Variants in FTSJ3 observed in about 807,000 individuals in gnomAD.
FTSJ3 encodes the protein FtsJ RNA 2'-O-methyltransferase 3.
A neutral mutation model predicts 111.5 loss-of-function variants in FTSJ3; 46 were observed. The ratio of observed to expected loss-of-function variants is 0.41; its 90% CI spans 0.33 to 0.53. FTSJ3 has a LOEUF of 0.53. Ranked by LOEUF, FTSJ3 falls within the 20% of genes least tolerant of loss-of-function variation. FTSJ3 has a pLI of 0.19. For missense variants in FTSJ3, 1,075 were observed against 1,063.8 expected, an observed-to-expected ratio of 1.01 and a Z score of -0.15; for synonymous variants, 408 against 383.0, an observed-to-expected ratio of 1.07 and a Z score of -0.76.
chr17:63,821,566 C>T lies in FTSJ3; in HGVS notation c.1674G>A (p.Arg558=), dbSNP rs1398520522. Residue 558 remains arginine, a synonymous_variant, in exon 16 of 21, where the codon CGG becomes CGA. Coordinates refer to ENST00000427159, the MANE Select transcript of FTSJ3 (RefSeq NM_017647.4). Reference sequence around the variant, plus strand: ...TCTGCTGCTGCTGCCGTCCCTTCCGCCGGTTCTCAAATAACAGCTGGGCCT... The same window carrying T: ...TCTGCTGCTGCTGCCGTCCCTTCCGTCGGTTCTCAAATAACAGCTGGGCCT... ...ISQAQLLFEN[R]RKGRQQQQKQ... 4 of 1,614,112 alleles carry T rather than the reference C, an allele frequency of 2.5e-6. No homozygotes were observed. In the Admixed American group the frequency reaches 5.0e-5, roughly 20 times the overall value.
chr17:63,820,049 C>A, intron 20 of FTSJ3, 30 bp downstream of exon 20: 1 of 1,613,992 alleles, frequency 6.2e-7, no homozygotes, highest in Non-Finnish European at 8.5e-7. Context: ...ACTTTTAGCC[C>A]TGTGTACCTT....
At position 63,826,578 on chromosome 17, in the gene FTSJ3, C is replaced by G. The variant is rs1253413368; in HGVS notation, c.162G>C (p.Ala54=). The G allele has an allele frequency of 4.3e-6, 7 of 1,613,448 alleles. No homozygotes were observed. The highest frequency in any genetic ancestry group is 5.1e-6 in the Non-Finnish European group (6 of 1,179,432). ...KARALLDLCA[A]PGGWLQVAAK... is the part of the protein sequence containing the mutation. ...CGAGTGTTACGAACCATCCCCCTGG[C>G]GCAGCACACAGGTCCAGCAAGGCTC... is the stretch of plus-strand genomic sequence containing the variant. Residue 54 remains alanine, a synonymous_variant, in exon 3 of 21, where the codon GCG becomes GCC. Transcript: ENST00000427159.
rs749799679 is a variant in FTSJ3 at position 63,821,020 on chromosome 17, G to C, written c.1972+10C>G. 6.2e-6 allele frequency: 10 copies of C among 1,613,630 alleles called. No homozygotes were observed. The South Asian group carries it at 1.1e-4, about 18-fold the overall frequency. On this transcript the variant is annotated intron_variant, in intron 17 of 20. Coordinates refer to ENST00000427159, the MANE Select transcript of FTSJ3 (RefSeq NM_017647.4). ...GTCTTTTCTCATTCCACTGCATACAGAGCTCTCACCTGGGTCCTCAATAGG... is the reference window on the plus strand; with the variant it reads ...GTCTTTTCTCATTCCACTGCATACACAGCTCTCACCTGGGTCCTCAATAGG...
chr17:63,822,450 C>G lies in FTSJ3; in HGVS notation c.1291-282G>C, dbSNP rs146812019. 5.3e-3 allele frequency among the ~76,000 whole-genome samples: 808 copies of G among 152,270 alleles called. 4 individuals are homozygous for G. The highest frequency in any genetic ancestry group is 0.018 in the African/African-American group (737 of 41,540). On this transcript the variant is annotated intron_variant, in intron 13 of 20. Transcript: ENST00000427159. ...ACCTACAGCCCACATAGCACCAAAT[C>G]TTAACATATTCTACAACACTGGTTT...
At position 63,821,064 on chromosome 17, in the gene FTSJ3, A is replaced by G. The variant is rs1214999970; in HGVS notation, c.1938T>C (p.Asp646=). 9 of 1,614,072 alleles carry G rather than the reference A, an allele frequency of 5.6e-6. No individual in the cohort carries two copies. The highest frequency in any genetic ancestry group is 2.7e-5 in the African/African-American group (2 of 74,916). The change falls in exon 17 of 21, where the codon GAT becomes GAC. Residue 646 remains aspartate, a synonymous_variant. Coordinates refer to ENST00000427159, the MANE Select transcript of FTSJ3 (RefSeq NM_017647.4). The part of the protein sequence containing the change: ...KKRSRGPKSD[D]DGFEIVPIED... Reference sequence around the variant, plus strand: ...CAATAGGCACTATCTCAAACCCGTCATCATCTGACTTAGGCCCACGGCTTC... The same window carrying G: ...CAATAGGCACTATCTCAAACCCGTCGTCATCTGACTTAGGCCCACGGCTTC...
chr17:63,826,177 A>G (rs1471201906), intron 4 of FTSJ3, 42 bp from the exon 5 acceptor site: 1 of 1,611,008 alleles, frequency 6.2e-7, no homozygotes, highest in Non-Finnish European at 8.5e-7. Flanking sequence ...GGTTGCTTCA[A>G]GCAGGGAGGA....
In FTSJ3 at chr17:63,827,592, CG is replaced by C. The variant is rs1223177119; in HGVS notation, c.-568del. On this transcript the variant is annotated 5_prime_UTR_variant, in exon 1 of 21. It removes the in-frame stop codon of an upstream open reading frame in the 5' UTR. Coordinates refer to ENST00000427159, the MANE Select transcript of FTSJ3 (RefSeq NM_017647.4). ...AGCGTGATCTGAGTGGAGAGCGGGC[CG>C]GGGCAGGAGCGTCGGGTGGGTCGGA... 5.2e-6 allele frequency: 8 copies of C among 1,550,646 alleles called. No homozygotes were observed. The highest frequency in any genetic ancestry group is 6.1e-6 in the Non-Finnish European group (7 of 1,146,718).
intron 10 of FTSJ3, 27 bp downstream of exon 10, chr17:63,824,610 G>T: frequency 6.4e-7 from 1 of 1,572,958 alleles, no homozygotes; most frequent in African/African-American, 1.3e-5. Flanking sequence ...CAGGGCTCCT[G>T]GCCCCCGTGC....
intron 13 of FTSJ3, among the ~76,000 whole-genome samples, chr17:63,822,556 A>T (rs1392477805): frequency 6.6e-6 from 1 of 152,188 alleles, no homozygotes; most frequent in African/African-American, 2.4e-5. Context: ...ACTGAATAAA[A>T]GGGGCCCAGC....
chr17:63,822,340 A>G (rs1379275572), intron 13 of FTSJ3, among the ~76,000 whole-genome samples, 172 bp from the exon 14 acceptor site: 3 of 152,080 alleles, frequency 2.0e-5, no homozygotes, highest in Non-Finnish European at 4.4e-5. Context: ...GCCTGTTTAC[A>G]ACATCCCGTT....
At chr17:63,823,713 A>C in intron 13 of FTSJ3, 104 bp downstream of exon 13, 1 of 1,311,638 alleles carries the variant, frequency 7.6e-7, no homozygotes, top group Middle Eastern at 2.5e-4. Flanking sequence ...CAGCAACCAC[A>C]GCCTATCGTT....
At chr17:63,826,977 TCC>T (rs2040112837) in intron 1 of FTSJ3, 49 bp from the exon 2 acceptor site, 2 of 1,027,716 alleles carry the variant, frequency 1.9e-6, no homozygotes, top group Non-Finnish European at 3.0e-6. Context: ...AGCACCAGAT[TCC>T]ACTTCCAGTT....
chr17:63,821,536 C>T lies in FTSJ3; in HGVS notation c.1704G>A (p.Gln568=), dbSNP rs1265097416. Reference sequence around the variant, plus strand: ...AGGAAGGGGGTGTCTGTGGCAGCTGCTGCTTCTGCTGCTGCTGCCGTCCCT... The same window carrying T: ...AGGAAGGGGGTGTCTGTGGCAGCTGTTGCTTCTGCTGCTGCTGCCGTCCCT... ...RRKGRQQQQK[Q]QLPQTPPSCL... Residue 568 remains glutamine, a synonymous_variant, in exon 16 of 21, where the codon CAG becomes CAA. Transcript: ENST00000427159. 6.2e-7 allele frequency: 1 copy of T among 1,614,048 alleles called. No homozygotes were observed. Among genetic ancestry groups the T allele is most frequent in the East Asian group, 2.2e-5 (1 of 44,872 alleles).
chr17:63,819,564 A>G lies in FTSJ3; in HGVS notation c.*238T>C, dbSNP rs1216699713. The G allele has an allele frequency of 2.1e-5, 10 of 475,046 alleles. No homozygotes were observed. In the Admixed American group the frequency reaches 2.6e-4, roughly 12 times the overall value. The allele number at this position is 475,046 out of a possible 1,614,324, so 29.4% of individuals were successfully genotyped here. A position where few individuals can be genotyped will look rare whatever the true frequency, so the allele number is the denominator to read the frequency against. On this transcript the variant is annotated 3_prime_UTR_variant, in exon 21 of 21. Coordinates refer to ENST00000427159, the MANE Select transcript of FTSJ3 (RefSeq NM_017647.4). ...AACTTCCCTTTAACGGTTTAAAAAA[A>G]GGGTCATGAGTGTCAACACAGTTCA...
intron 13 of FTSJ3, chr17:63,823,594 C>CAAA: frequency 5.1e-6 from 2 of 391,630 alleles, no homozygotes; most frequent in Non-Finnish European, 4.5e-6. Flanking sequence ...GACTCCGTCT[C>CAAA]AAAAAAAAAA....
intron 13 of FTSJ3, 98 bp downstream of exon 13, chr17:63,823,719 T>C: frequency 7.3e-7 from 1 of 1,373,180 alleles, no homozygotes; most frequent in East Asian, 2.3e-5. Context: ...CCACAGCCTA[T>C]CGTTCGGCAA....
chr17:63,824,571 G>C (rs1451477409), intron 10 of FTSJ3, 66 bp downstream of exon 10: 12 of 1,452,780 alleles, frequency 8.3e-6, no homozygotes, highest in Non-Finnish European at 9.7e-6. Context: ...TCTTCCCAGA[G>C]GTCCAACATC....
Position 63,821,115 on chromosome 17 carries a change from G to T in FTSJ3, c.1887C>A (p.Ser629Arg), listed in dbSNP as rs769532374. The change falls in exon 17 of 21, where the codon AGC becomes AGA. Residue 629 changes from serine (S) to arginine (R), a missense_variant and splice_region_variant. This residue lies in a region of FTSJ3 where 867 missense variants were observed against 796.9 expected (regional missense o/e 1.09). Transcript: ENST00000427159. ...DSSTSSEEEE[S>R]WEPLRGKKRS... is the part of the protein sequence containing the mutation. ...GCTTCTTACCACGGAGGGGTTCCCAGCTGTGAAGAGGGGAGGACTCTGAGT... is the reference window on the plus strand; with the variant it reads ...GCTTCTTACCACGGAGGGGTTCCCATCTGTGAAGAGGGGAGGACTCTGAGT... 1.2e-6 allele frequency: 2 copies of T among 1,613,842 alleles called. No homozygotes were observed. The highest frequency in any genetic ancestry group is 1.7e-6 in the Non-Finnish European group (2 of 1,179,894).
At chr17:63,826,728 C>G in intron 2 of FTSJ3, 56 bp from the exon 3 acceptor site, 1 of 1,560,830 alleles carries the variant, frequency 6.4e-7, no homozygotes, top group Non-Finnish European at 8.8e-7. Context: ...TCTCCGGCCT[C>G]GCAACCGACC....
Sources: allele counts gnomAD v4.1 joint callset (sites outside exome capture counted in the v4.1 genomes callset), GRCh38; gene constraint gnomAD v4.1.1; regional missense constraint gnomAD v4.1.1; transcripts MANE v1.5; gene names NCBI Gene and HGNC (gene_info 2026-07-23, HGNC 2026-07-21).